Variants in GLMN observed in about 807,000 individuals in gnomAD.
GLMN encodes glomulin, FKBP associated protein.
Under a neutral mutation model 87.8 loss-of-function variants are expected in GLMN, and 75 were observed. The ratio of observed to expected loss-of-function variants is 0.85; its 90% CI spans 0.71 to 1.04. The LOEUF is 1.04. Ranked by LOEUF, GLMN falls within the 50% of genes least tolerant of loss-of-function variation. GLMN has a pLI of 0.00. For synonymous variants in GLMN, 206 were observed against 221.6 expected (o/e 0.93, Z 0.63); for missense variants, 588 against 658.8 (o/e 0.89, Z 1.18).
chr1:92,281,493 C>T lies in GLMN; in HGVS notation c.735+4997G>A, dbSNP rs773707572. 3.9e-5 allele frequency among the ~76,000 whole-genome samples: 6 copies of T among 152,088 alleles called. No homozygotes were observed. In the East Asian group the frequency reaches 5.8e-4, roughly 15 times the overall value. The stretch of plus-strand genomic sequence containing the variant: ...TTTACTAAACATGAATAGGAACGAC[C>T]GGTACCAGCTACTGCAAAAACATGC... On this transcript the variant is annotated intron_variant, in intron 7 of 18. Transcript: ENST00000370360.
chr1:92,304,035 A>G, the GLMN span: 3 of 1,613,038 alleles, frequency 1.9e-6, no homozygotes, highest in African/African-American at 2.7e-5. Context: ...TCTATTGTCA[A>G]ACTCTGTGGT....
chr1:92,310,720 A>G, the GLMN span, among the ~76,000 whole-genome samples: 1 of 152,118 alleles, frequency 6.6e-6, no homozygotes, highest in East Asian at 1.9e-4. Context: ...AACATGACAA[A>G]ACCCTATCTC....
intron 7 of GLMN, among the ~76,000 whole-genome samples, chr1:92,282,642 G>A (rs1419091886): frequency 2.6e-5 from 4 of 152,054 alleles, no homozygotes; most frequent in Admixed American, 2.0e-4. Context: ...AACTGAAGGA[G>A]ATAGAGACAC....
chr1:92,286,469 G>T (rs766581336), intron 7 of GLMN, 21 bp downstream of exon 7: 19 of 1,098,068 alleles, frequency 1.7e-5, no homozygotes, highest in Non-Finnish European at 2.4e-5. Context: ...GATTATAGCA[G>T]ATTAAATTAG....
chr1:92,291,675 A>T, intron 3 of GLMN, 138 bp from the exon 4 acceptor site: 1 of 820,446 alleles, frequency 1.2e-6, no homozygotes. Flanking sequence ...ATTTCACCAG[A>T]GACTTTCCAG....
At chr1:92,254,256 A>G (rs746045616) in intron 16 of GLMN, among the ~76,000 whole-genome samples, 1 of 152,242 alleles carries the variant, frequency 6.6e-6, no homozygotes, top group Non-Finnish European at 1.5e-5. Flanking sequence ...CTTCCAAGAA[A>G]TATGGGACTA....
intron 7 of GLMN, among the ~76,000 whole-genome samples, chr1:92,280,926 T>C (rs532236088): frequency 1.7e-4 from 25 of 151,430 alleles, no homozygotes; most frequent in Non-Finnish European, 2.7e-4. Context: ...GAAAAAAGAG[T>C]GCAAAGAAAC....
At chr1:92,316,919 G>T in the GLMN span, among the ~76,000 whole-genome samples, 1 of 152,062 alleles carries the variant, frequency 6.6e-6, no homozygotes, top group Non-Finnish European at 1.5e-5. Flanking sequence ...GATGAGGGAA[G>T]GTATTTAAGG....
the GLMN span, among the ~76,000 whole-genome samples, chr1:92,306,565 T>G: frequency 2.6e-5 from 4 of 152,092 alleles, no homozygotes; most frequent in Non-Finnish European, 4.4e-5. Flanking sequence ...AAACATAATT[T>G]TAAACAAAAG....
At chr1:92,261,583 C>A (rs3131828) in intron 16 of GLMN, among the ~76,000 whole-genome samples, 71,731 of 151,924 alleles carry the variant, frequency 0.47, 17,959 homozygotes, top group East Asian at 0.96. Flanking sequence ...TATGAGGAAC[C>A]TCTTGTGATG....
intron 16 of GLMN, among the ~76,000 whole-genome samples, chr1:92,249,857 T>C (rs1653217489): frequency 1.3e-5 from 2 of 152,160 alleles, no homozygotes; most frequent in African/African-American, 4.8e-5. Context: ...CTCACACATG[T>C]GAGAATATGT....
chr1:92,247,103 C>CACTT lies in GLMN; in HGVS notation c.1623_1626dup (p.Gly543LysfsTer7). On this transcript the variant is annotated frameshift_variant, in exon 18 of 19. Coordinates refer to ENST00000370360, the MANE Select transcript of GLMN (RefSeq NM_053274.3). LOFTEE classifies it high-confidence loss of function. The stretch of plus-strand genomic sequence containing the variant: ...GGAGGCATATTAGGGATCTCTTCTC[C>CACTT]ACTTACAGTTATAGAACAAAGATCT... 6.3e-7 allele frequency: 1 copy of CACTT among 1,579,296 alleles called. No homozygotes were observed. The highest frequency in any genetic ancestry group is 8.7e-7 in the Non-Finnish European group (1 of 1,149,220).
At chr1:92,294,324 T>G (rs1044500310) in intron 3 of GLMN, among the ~76,000 whole-genome samples, 3 of 152,178 alleles carry the variant, frequency 2.0e-5, no homozygotes, top group East Asian at 3.9e-4. Context: ...TTGACCCCAG[T>G]CTTGTAAGAT....
chr1:92,354,958 G>A, the GLMN span, among the ~76,000 whole-genome samples: 1 of 151,098 alleles, frequency 6.6e-6, no homozygotes, highest in African/African-American at 2.4e-5. Context: ...GAGTGCAGTG[G>A]CACGATCTCA....
At chr1:92,340,190 G>C in the GLMN span, among the ~76,000 whole-genome samples, 1 of 152,194 alleles carries the variant, frequency 6.6e-6, no homozygotes. Flanking sequence ...CTTAGTAACT[G>C]TAAGTCAAAG....
At chr1:92,360,177 A>G in the GLMN span, among the ~76,000 whole-genome samples, 1 of 152,226 alleles carries the variant, frequency 6.6e-6, no homozygotes, top group African/African-American at 2.4e-5. Context: ...TAAAGAGTCC[A>G]AAGTAAGTTT....
At chr1:92,351,238 C>A in the GLMN span, among the ~76,000 whole-genome samples, 1 of 136,346 alleles carries the variant, frequency 7.3e-6, no homozygotes, top group Non-Finnish European at 1.5e-5. Context: ...ACCAGGGAGT[C>A]AGAGGTTGCA....
the GLMN span, among the ~76,000 whole-genome samples, chr1:92,365,743 A>C: frequency 6.6e-6 from 1 of 152,232 alleles, no homozygotes; most frequent in Non-Finnish European, 1.5e-5. Context: ...GATTTCAAAA[A>C]TTATTTGAAG....
chr1:92,329,711 T>C, the GLMN span, among the ~76,000 whole-genome samples: 1 of 152,234 alleles, frequency 6.6e-6, no homozygotes, highest in Non-Finnish European at 1.5e-5. Context: ...ATTTTTAATA[T>C]TAAACCAACT....
Sources: allele counts gnomAD v4.1 joint callset (sites outside exome capture counted in the v4.1 genomes callset), GRCh38; gene constraint gnomAD v4.1.1; transcripts MANE v1.5; gene names NCBI Gene and HGNC (gene_info 2026-07-23, HGNC 2026-07-21).